The following RYR2 variants were observed in gnomAD, a reference collection of about 807,000 sequenced individuals.
The protein encoded by RYR2 is cardiac muscle ryanodine receptor-calcium release channel.
A neutral mutation model predicts 601.1 loss-of-function variants in RYR2; 227 were observed. The ratio of observed to expected loss-of-function variants is 0.38; its 90% CI spans 0.34 to 0.42. The LOEUF (loss-of-function observed/expected upper bound fraction) is 0.42. Among genes scored for constraint, RYR2 ranks in the 10% least tolerant of loss-of-function variants. The pLI is 1.00. For synonymous variants in RYR2, 2,223 were observed against 2,175.1 expected, an observed-to-expected ratio of 1.02 and a Z score of -0.61; for missense variants, 4,646 against 6,156.5, an observed-to-expected ratio of 0.75 and a Z score of 8.21.
intron 27 of RYR2, among the ~76,000 whole-genome samples, chr1:237,561,316 A>G (rs1671433905): frequency 6.6e-6 from 1 of 152,218 alleles, no homozygotes; most frequent in African/African-American, 2.4e-5. Context: ...ATATAACAGC[A>G]TGCTTCATAG....
chr1:237,207,144 CAAA>C (rs5781942), intron 1 of RYR2, among the ~76,000 whole-genome samples: 2 of 137,912 alleles, frequency 1.5e-5, no homozygotes. Context: ...CTGTCTCTAC[CAAA>C]AAAAAAAAAA....
chr1:237,801,800 CTA>C, intron 97 of RYR2, 54 bp from the exon 98 acceptor site: 2 of 1,135,424 alleles, frequency 1.8e-6, no homozygotes, highest in South Asian at 1.4e-5. Context: ...TCTCGCAAGC[CTA>C]TGAGTCTTTG....
intron 2 of RYR2, among the ~76,000 whole-genome samples, chr1:237,276,562 AATC>A (rs1690308506): frequency 6.6e-6 from 1 of 152,214 alleles, no homozygotes; most frequent in African/African-American, 2.4e-5. Flanking sequence ...CTTTGAAAAA[AATC>A]ATCAACATAG....
At chr1:237,755,163 T>G (rs1692845898) in intron 80 of RYR2, 1 of 1,173,926 alleles carries the variant, frequency 8.5e-7, no homozygotes, top group Non-Finnish European at 1.1e-6. Flanking sequence ...TTTAAAGGTT[T>G]CTTTTTTCAT....
rs1381596713 is a variant in RYR2, at chr1:237,350,599, A to T, written c.274-5366A>T. Among the ~76,000 whole-genome samples, 28 of 92,866 alleles carry T rather than the reference A, an allele frequency of 3.0e-4. No individual in the cohort carries two copies. In the East Asian group the frequency reaches 8.7e-3, roughly 29 times the overall value. 60.9% of individuals were successfully genotyped at this position (92,866 alleles called of 152,430 possible). ...AAAAAAAAAAAAAAAAAAAAAAAAA[A>T]AAAATATATATATATATATATATAT... On this transcript the variant is annotated intron_variant, in intron 3 of 104. Transcript: ENST00000366574.
Position 237,545,450 on chromosome 1 carries a change from G to A in RYR2, c.2907-2981G>A, listed in dbSNP as rs78707257. Among the ~76,000 whole-genome samples, 1,055 of 152,260 alleles carry A rather than the reference G, an allele frequency of 6.9e-3. 10 individuals are homozygous for A. Among genetic ancestry groups the A allele is most frequent in the African/African-American group, 0.024 (991 of 41,554 alleles). On this transcript the variant is annotated intron_variant, in intron 25 of 104. Transcript: ENST00000366574. ...CCCTCATTAGGGTAGCAATGGCTCC[G>A]ATCAGTGATTCACAGGTGGATATCG...
chr1:237,657,851 A>C, intron 53 of RYR2, 93 bp from the exon 54 acceptor site: 1 of 659,720 alleles, frequency 1.5e-6, no homozygotes, highest in South Asian at 2.0e-5. Context: ...ATTGAATGAG[A>C]TATAAGCATT....
At chr1:237,638,941 T>A (rs1434938966) in intron 45 of RYR2, 74 bp from the exon 46 acceptor site, 3 of 1,493,714 alleles carry the variant, frequency 2.0e-6, no homozygotes, top group Non-Finnish European at 2.8e-6. Flanking sequence ...TAGGAAATGA[T>A]TAGTATAACA....
chr1:237,606,481 G>A (rs940531164), intron 35 of RYR2, among the ~76,000 whole-genome samples: 11 of 152,128 alleles, frequency 7.2e-5, no homozygotes, highest in African/African-American at 2.7e-4. Flanking sequence ...GAAAACCTAG[G>A]CAATACCATT....
chr1:237,783,633 T>G (rs1362179321), intron 89 of RYR2, 42 bp from the exon 90 acceptor site: 5 of 1,250,102 alleles, frequency 4.0e-6, no homozygotes, highest in Non-Finnish European at 5.6e-6. Flanking sequence ...ATCACTGATT[T>G]TGTTAGTTTA....
intron 1 of RYR2, among the ~76,000 whole-genome samples, chr1:237,042,988 G>A (rs1572425317): frequency 1.3e-5 from 2 of 152,120 alleles, no homozygotes; most frequent in African/African-American, 4.8e-5. Context: ...GGGGAGCGGC[G>A]GGAACTCGGG....
intron 1 of RYR2, among the ~76,000 whole-genome samples, chr1:237,212,720 T>C (rs1042696679): frequency 6.6e-6 from 1 of 152,190 alleles, no homozygotes; most frequent in African/African-American, 2.4e-5. Context: ...CTAATATGCA[T>C]TCCAACACAT....
At chr1:237,631,844 G>A (rs1029397475) in intron 42 of RYR2, among the ~76,000 whole-genome samples, 41 of 140,486 alleles carry the variant, frequency 2.9e-4, no homozygotes, top group African/African-American at 9.0e-4. Flanking sequence ...TAGCCAGGAT[G>A]GTCTCGATCT....
At chr1:237,477,447 A>C (rs1661541648) in intron 17 of RYR2, among the ~76,000 whole-genome samples, 1 of 152,174 alleles carries the variant, frequency 6.6e-6, no homozygotes, top group Non-Finnish European at 1.5e-5. Flanking sequence ...CTGCACATCC[A>C]CCTGGCCTGT....
intron 22 of RYR2, among the ~76,000 whole-genome samples, chr1:237,506,463 G>A (rs1314882976): frequency 2.6e-5 from 4 of 151,772 alleles, no homozygotes; most frequent in South Asian, 2.1e-4. Flanking sequence ...GTGTGAACCC[G>A]AGAGGCGGAG....
chr1:237,092,532 CT>C (rs1218132883), intron 1 of RYR2, among the ~76,000 whole-genome samples: 3 of 99,086 alleles, frequency 3.0e-5, no homozygotes, highest in Admixed American at 1.0e-4. Flanking sequence ...TTTTTTTTTC[CT>C]TTTTTTTTGA....
At chr1:237,659,503 A>C (rs1028402082) in intron 54 of RYR2, among the ~76,000 whole-genome samples, 1 of 152,188 alleles carries the variant, frequency 6.6e-6, no homozygotes, top group African/African-American at 2.4e-5. Context: ...GGCATTATTC[A>C]GAGAAGACGC....
intron 1 of RYR2, among the ~76,000 whole-genome samples, chr1:237,107,378 G>A (rs566954919): frequency 3.9e-4 from 59 of 151,242 alleles, no homozygotes; most frequent in South Asian, 1.5e-3. Context: ...AAAATTAGCT[G>A]GACGTGGTGG....
At chr1:237,046,478 C>A (rs1200629446) in intron 1 of RYR2, among the ~76,000 whole-genome samples, 7 of 152,176 alleles carry the variant, frequency 4.6e-5, no homozygotes, top group African/African-American at 1.7e-4. Context: ...TTGCTCCCTT[C>A]ATAATGAAGC....
Sources: allele counts gnomAD v4.1 joint callset (sites outside exome capture counted in the v4.1 genomes callset), GRCh38; gene constraint gnomAD v4.1.1; transcripts MANE v1.5; gene names NCBI Gene and HGNC (gene_info 2026-07-23, HGNC 2026-07-21).